The following PPFIA2 variants were observed in gnomAD, a reference collection of about 807,000 sequenced individuals.
The protein encoded by PPFIA2 is PPFI scaffold protein A2, also known as liprin-alpha-2.
A neutral mutation model predicts 175.5 loss-of-function variants in PPFIA2; 46 were observed. The ratio of observed to expected loss-of-function variants is 0.26; its 90% CI spans 0.21 to 0.34. PPFIA2 has a LOEUF of 0.34. PPFIA2 is among the 10% of genes least tolerant of loss of function. The probability of loss-of-function intolerance (pLI) is 1.00; values close to 1 mark genes in which losing one functional copy is unlikely to be tolerated. For missense variants in PPFIA2, 1,179 were observed against 1,506.1 expected (o/e 0.78, Z 3.60); for synonymous variants, 568 against 511.4 (o/e 1.11, Z -1.49).
intron 4 of PPFIA2, among the ~76,000 whole-genome samples, chr12:81,645,116 A>C (rs1290755070): frequency 6.6e-6 from 1 of 152,062 alleles, no homozygotes; most frequent in East Asian, 1.9e-4. Context: ...TCATATACTA[A>C]GCACACTTTT....
rs971469476 is a variant in PPFIA2, at chr12:81,438,478, A to AAAAAC, written c.645+1489_645+1493dup. On this transcript the variant is annotated intron_variant, in intron 7 of 32. Transcript: ENST00000549396. ...TAGAGCAAGACTCCGTCTCAAAACA[A>AAAAAC]AAAACAAAACAAAACAAAACAAAAC... 1.8e-4 allele frequency among the ~76,000 whole-genome samples: 27 copies of AAAAAC among 152,296 alleles called. 1 individual carries two copies. Among genetic ancestry groups the AAAAAC allele is most frequent in the East Asian group, 5.8e-4 (3 of 5,186 alleles).
chr12:81,744,250 T>C (rs905166634), intron 3 of PPFIA2, among the ~76,000 whole-genome samples: 1 of 152,070 alleles, frequency 6.6e-6, no homozygotes, highest in East Asian at 1.9e-4. Context: ...ATATGCTCAG[T>C]GCATAAAAAG....
At chr12:81,420,334 A>G (rs1304460391) in intron 7 of PPFIA2, among the ~76,000 whole-genome samples, 1 of 152,164 alleles carries the variant, frequency 6.6e-6, no homozygotes, top group Non-Finnish European at 1.5e-5. Flanking sequence ...ACCACAAAGA[A>G]ATGGAGAATA....
chr12:81,548,866 T>C (rs1261809161), intron 4 of PPFIA2, among the ~76,000 whole-genome samples: 4 of 152,130 alleles, frequency 2.6e-5, no homozygotes, highest in Non-Finnish European at 5.9e-5. Context: ...ACATATTCTT[T>C]TTGCCCATTT....
intron 7 of PPFIA2, among the ~76,000 whole-genome samples, chr12:81,419,464 C>A (rs1163992524): frequency 6.6e-6 from 1 of 151,960 alleles, no homozygotes; most frequent in African/African-American, 2.4e-5. Flanking sequence ...AACATAAAGT[C>A]TCATGATATT....
intron 4 of PPFIA2, among the ~76,000 whole-genome samples, chr12:81,540,679 T>C (rs1417030277): frequency 6.6e-6 from 1 of 152,050 alleles, no homozygotes; most frequent in Non-Finnish European, 1.5e-5. Flanking sequence ...ATTGTTTTAT[T>C]GATACAAATG....
At chr12:81,709,426 A>C (rs937882356) in intron 3 of PPFIA2, among the ~76,000 whole-genome samples, 1 of 152,062 alleles carries the variant, frequency 6.6e-6, no homozygotes, top group African/African-American at 2.4e-5. Flanking sequence ...ACTACACTCC[A>C]TGAGAGCATA....
chr12:81,633,238 A>C (rs2063596424), intron 4 of PPFIA2, among the ~76,000 whole-genome samples: 2 of 152,106 alleles, frequency 1.3e-5, no homozygotes, highest in Admixed American at 1.3e-4. Flanking sequence ...ATACACTTTG[A>C]ATACATCTGG....
chr12:81,459,605 T>C (rs2054172599), intron 4 of PPFIA2, among the ~76,000 whole-genome samples: 1 of 152,128 alleles, frequency 6.6e-6, no homozygotes, highest in Non-Finnish European at 1.5e-5. Context: ...AAATATGTTT[T>C]CGTGCTTTGA....
intron 4 of PPFIA2, among the ~76,000 whole-genome samples, chr12:81,529,331 A>T (rs1567201308): frequency 6.6e-6 from 1 of 151,986 alleles, no homozygotes; most frequent in Admixed American, 6.6e-5. Context: ...CTATTTGCTA[A>T]TATTTTATTT....
chr12:81,368,169 A>G, intron 13 of PPFIA2: 1 of 1,287,134 alleles, frequency 7.8e-7, no homozygotes, highest in Non-Finnish European at 1.0e-6. Context: ...GCTGCCAACT[A>G]TCAATGAGAC....
At position 81,550,931 on chromosome 12, in the gene PPFIA2, G is replaced by A. The variant is rs569361084; in HGVS notation, c.304-93065C>T. Among the ~76,000 whole-genome samples, 595 of 152,026 alleles carry A rather than the reference G, an allele frequency of 3.9e-3. 4 individuals carry two copies. Among genetic ancestry groups the A allele is most frequent in the African/African-American group, 0.013 (557 of 41,520 alleles). On this transcript the variant is annotated intron_variant, in intron 4 of 32. Coordinates refer to ENST00000549396, the MANE Select transcript of PPFIA2 (RefSeq NM_003625.5). Reference sequence around the variant, plus strand: ...GATAGCGCTTTCTTAGAATCCTAATGAAAGAATTCAAGAAGGAGGGAGTTA... The same window carrying A: ...GATAGCGCTTTCTTAGAATCCTAATAAAAGAATTCAAGAAGGAGGGAGTTA...
chr12:81,625,191 T>C (rs1322110011), intron 4 of PPFIA2, among the ~76,000 whole-genome samples: 1 of 151,846 alleles, frequency 6.6e-6, no homozygotes, highest in African/African-American at 2.4e-5. Flanking sequence ...GTATGCTGTA[T>C]ATAAAGAACA....
intron 4 of PPFIA2, among the ~76,000 whole-genome samples, chr12:81,524,395 C>T (rs906927266): frequency 6.6e-6 from 1 of 152,208 alleles, no homozygotes; most frequent in Non-Finnish European, 1.5e-5. Flanking sequence ...CCCCAGTGGG[C>T]CTCAAGGGCA....
chr12:81,516,501 T>C (rs1482461976), intron 4 of PPFIA2, among the ~76,000 whole-genome samples: 1 of 152,174 alleles, frequency 6.6e-6, no homozygotes, highest in East Asian at 1.9e-4. Flanking sequence ...TTGCAGACGT[T>C]AAAAATAAGT....
intron 6 of PPFIA2, among the ~76,000 whole-genome samples, chr12:81,442,068 T>C (rs1166027776): frequency 6.6e-6 from 1 of 152,124 alleles, no homozygotes; most frequent in African/African-American, 2.4e-5. Context: ...AACTGTTTTC[T>C]ATTTACTACA....
chr12:81,270,000 T>A (rs1368933272), intron 28 of PPFIA2, among the ~76,000 whole-genome samples: 1 of 152,096 alleles, frequency 6.6e-6, no homozygotes, highest in Admixed American at 6.5e-5. Context: ...TGGACCAAAA[T>A]GTCAGAAAAA....
At chr12:81,523,285 G>A (rs946453151) in intron 4 of PPFIA2, among the ~76,000 whole-genome samples, 1 of 151,602 alleles carries the variant, frequency 6.6e-6, no homozygotes, top group African/African-American at 2.4e-5. Context: ...TTAGTAAATA[G>A]TTCCTTATTC....
chr12:81,540,329 T>C (rs2066012290), intron 4 of PPFIA2, among the ~76,000 whole-genome samples: 1 of 152,158 alleles, frequency 6.6e-6, no homozygotes, highest in Admixed American at 6.6e-5. Context: ...ATGTTTTATA[T>C]CAATTCAACA....
Sources: allele counts gnomAD v4.1 joint callset (sites outside exome capture counted in the v4.1 genomes callset), GRCh38; gene constraint gnomAD v4.1.1; transcripts MANE v1.5; gene names NCBI Gene and HGNC (gene_info 2026-07-23, HGNC 2026-07-21).